ERBB4: variants seen among roughly 807,000 people sequenced by gnomAD.
ERBB4 encodes the protein erb-b2 receptor tyrosine kinase 4.
ERBB4 carries 42 observed loss-of-function variants against 158.0 expected under a neutral mutation model. That is an observed-to-expected ratio of 0.27 (90% CI 0.21 to 0.34). The LOEUF (loss-of-function observed/expected upper bound fraction) is 0.34. Ranked by LOEUF, ERBB4 falls within the 10% of genes least tolerant of loss-of-function variation. The pLI is 1.00. For synonymous variants in ERBB4, 583 were observed against 558.7 expected, an observed-to-expected ratio of 1.04 and a Z score of -0.61; for missense variants, 1,333 against 1,624.1, an observed-to-expected ratio of 0.82 and a Z score of 3.08.
intron 1 of ERBB4, among the ~76,000 whole-genome samples, chr2:212,365,082 GA>G (rs917797163): frequency 6.6e-6 from 1 of 150,398 alleles, no homozygotes; most frequent in African/African-American, 2.4e-5. Context: ...TTTAATTTTT[GA>G]AAAAAAATGC....
intron 9 of ERBB4, among the ~76,000 whole-genome samples, chr2:211,705,782 C>T (rs10174518): frequency 0.14 from 21,895 of 152,102 alleles, 2,042 homozygotes; most frequent in Non-Finnish European, 0.21. Context: ...CTGGCATTTC[C>T]GCTCCTCAAA....
intron 25 of ERBB4, among the ~76,000 whole-genome samples, chr2:211,411,959 A>T (rs1190165232): frequency 6.6e-6 from 1 of 152,198 alleles, no homozygotes; most frequent in Non-Finnish European, 1.5e-5. Flanking sequence ...TATTTTCCAA[A>T]AAATAAAAAA....
intron 3 of ERBB4, among the ~76,000 whole-genome samples, chr2:211,883,107 C>T (rs1559609310): frequency 6.6e-6 from 1 of 152,180 alleles, no homozygotes; most frequent in Non-Finnish European, 1.5e-5. Context: ...CCATGGAATA[C>T]TATGCAGCCA....
chr2:212,529,672 G>T (rs1419609526), intron 1 of ERBB4, among the ~76,000 whole-genome samples: 1 of 152,100 alleles, frequency 6.6e-6, no homozygotes, highest in Admixed American at 6.6e-5. Flanking sequence ...ATATGTATGT[G>T]GCACCACATT....
chr2:211,699,787 G>C (rs950537792), intron 12 of ERBB4, among the ~76,000 whole-genome samples: 1 of 151,912 alleles, frequency 6.6e-6, no homozygotes, highest in Non-Finnish European at 1.5e-5. Flanking sequence ...TTATATTTTA[G>C]CTTATTATCA....
intron 20 of ERBB4, among the ~76,000 whole-genome samples, chr2:211,492,117 G>A (rs1484788719): frequency 6.6e-6 from 1 of 151,968 alleles, no homozygotes; most frequent in Non-Finnish European, 1.5e-5. Context: ...AACTGAATAG[G>A]ATATATTTAC....
chr2:212,054,980 C>A (rs905111546), intron 2 of ERBB4, among the ~76,000 whole-genome samples: 3 of 151,966 alleles, frequency 2.0e-5, no homozygotes, highest in Non-Finnish European at 4.4e-5. Flanking sequence ...GCCCACTGAG[C>A]GAGAGCCAAA....
At chr2:212,089,294 A>G (rs185553747) in intron 2 of ERBB4, among the ~76,000 whole-genome samples, 246 of 152,298 alleles carry the variant, frequency 1.6e-3, no homozygotes, top group Non-Finnish European at 2.4e-3. Context: ...TTTGGGAAAT[A>G]CAAGTTCCAA....
chr2:212,446,605 A>ATATATATG (rs2092358503), intron 1 of ERBB4, among the ~76,000 whole-genome samples: 2 of 30,620 alleles, frequency 6.5e-5, no homozygotes, highest in Non-Finnish European at 1.2e-4. Context: ...ATATATATAT[A>ATATATATG]TATATATATA....
chr2:212,008,292 C>T (rs1185734345), intron 2 of ERBB4, among the ~76,000 whole-genome samples: 1 of 152,046 alleles, frequency 6.6e-6, no homozygotes, highest in Non-Finnish European at 1.5e-5. Context: ...TCCCCTACGA[C>T]ACAGTCGAGA....
intron 9 of ERBB4, among the ~76,000 whole-genome samples, chr2:211,709,274 T>TATATATACACACATATATATATATATAC (rs1553615210): frequency 7.3e-6 from 1 of 136,558 alleles, no homozygotes; most frequent in African/African-American, 2.9e-5. Context: ...TATATATATA[T>TATATATACACACATATATATATATATAC]ACATACATAT....
chr2:211,863,730 T>G (rs1159845505), intron 3 of ERBB4, among the ~76,000 whole-genome samples: 1 of 152,178 alleles, frequency 6.6e-6, no homozygotes, highest in African/African-American at 2.4e-5. Flanking sequence ...TAACGCTCAC[T>G]GTGAAGGTCC....
chr2:211,808,485 A>G (rs535722698), intron 3 of ERBB4, among the ~76,000 whole-genome samples: 11 of 151,950 alleles, frequency 7.2e-5, no homozygotes, highest in Non-Finnish European at 2.9e-5. Flanking sequence ...CCATTGGTCT[A>G]TATCTCTGTT....
chr2:211,377,918 T>C lies in ERBB4; in HGVS notation c.*5697A>G, dbSNP rs187675268. 2.9e-4 allele frequency: 68 copies of C among 232,794 alleles called. No homozygotes were observed. Among genetic ancestry groups the C allele is most frequent in the African/African-American group, 1.5e-3 (67 of 45,404 alleles). 14.4% of individuals were successfully genotyped at this position (232,794 alleles called of 1,614,324 possible). A position where few individuals can be genotyped will look rare whatever the true frequency, so the allele number is the denominator to read the frequency against. On this transcript the variant is annotated 3_prime_UTR_variant, in exon 28 of 28. Coordinates refer to ENST00000342788, the MANE Select transcript of ERBB4 (RefSeq NM_005235.3). ...AATAGCTTAAATATTCTCTATGCGGTAGTTTGATAGTTCACTTAAACAGTG... is the reference window on the plus strand; with the variant it reads ...AATAGCTTAAATATTCTCTATGCGGCAGTTTGATAGTTCACTTAAACAGTG...
intron 3 of ERBB4, among the ~76,000 whole-genome samples, chr2:211,834,774 T>C (rs1428606761): frequency 6.6e-6 from 1 of 152,126 alleles, no homozygotes; most frequent in African/African-American, 2.4e-5. Context: ...GGATCACTTG[T>C]TCAGCAGCAG....
At chr2:211,580,883 A>G (rs1309809890) in intron 19 of ERBB4, among the ~76,000 whole-genome samples, 266 of 3,598 alleles carry the variant, frequency 0.074, 23 homozygotes, top group Non-Finnish European at 0.12. Context: ...ATATATATAT[A>G]TATATATATA....
chr2:212,081,272 G>A (rs1295196703), intron 2 of ERBB4, among the ~76,000 whole-genome samples: 1 of 152,160 alleles, frequency 6.6e-6, no homozygotes, highest in Admixed American at 6.6e-5. Flanking sequence ...GATTGTAAGA[G>A]ATGAAATGAA....
chr2:211,387,104 A>G lies in ERBB4; in HGVS notation c.3230T>C (p.Val1077Ala). 1 of 1,613,840 alleles carries G rather than the reference A, an allele frequency of 6.2e-7. No homozygotes were observed. Among genetic ancestry groups the G allele is most frequent in the Non-Finnish European group, 8.5e-7 (1 of 1,179,858 alleles). Residue 1077 changes from valine (V) to alanine (A), a missense_variant, in exon 27 of 28, where the codon GTG (valine) becomes GCG (alanine). Transcript: ENST00000342788. Reference protein sequence around the residue: ...RDGGFAAEQGVSVPYRAPTST... With the variant: ...RDGGFAAEQGASVPYRAPTST... ...AGTTGGGGCTCTGTAGGGCACAGAC[A>G]CTCCTTGTTCAGCAGCAAAACCTCC...
intron 1 of ERBB4, among the ~76,000 whole-genome samples, chr2:212,532,564 ATAGC>A (rs2106346601): frequency 6.6e-6 from 1 of 152,380 alleles, no homozygotes; most frequent in African/African-American, 2.4e-5. Context: ...CAAGATGTTA[ATAGC>A]TTAGGCATGA....
Sources: gnomAD v4.1 joint callset for allele counts (sites outside exome capture counted in the v4.1 genomes callset) on GRCh38, gnomAD v4.1.1 for gene constraint, MANE v1.5 for transcripts, NCBI Gene and HGNC (gene_info 2026-07-23, HGNC 2026-07-21) for gene names.